The following SH2D4B variants were observed in gnomAD, a reference collection of about 807,000 sequenced individuals.
The protein encoded by SH2D4B is SH2 domain containing 4B.
In SH2D4B, 45 loss-of-function variants were observed where a neutral mutation model predicts 61.5. The observed-to-expected ratio is 0.73, with a 90% CI of 0.58 to 0.94. SH2D4B has a LOEUF of 0.94. Ranked by LOEUF, SH2D4B falls within the 40% of genes least tolerant of loss-of-function variation. The pLI, the probability that SH2D4B is intolerant of heterozygous loss-of-function variation, is 0.00. For synonymous variants in SH2D4B, 224 were observed against 220.4 expected (o/e 1.02, Z -0.14); for missense variants, 572 against 574.2 (o/e 1.00, Z 0.04).
rs1841541583 is a variant in SH2D4B at position 80,538,839 on chromosome 10, G to A, written c.184+324G>A. On this transcript the variant is annotated intron_variant, in intron 1 of 7. Transcript: ENST00000646907. This position sits in a 1 kb window ranked among gnomAD's most constrained non-coding sequence, Gnocchi z 4.8. ...CTTCAGATTGTGCTCCGACGTGGTT[G>A]GCAATGGTAGGGTGAACGACGGCAT... Among the ~76,000 whole-genome samples the A allele has an allele frequency of 6.6e-6, 1 of 152,240 alleles. No homozygotes were observed. The highest frequency in any genetic ancestry group is 6.5e-5 in the Admixed American group (1 of 15,288).
chr10:80,594,608 G>T (rs1842365952), intron 4 of SH2D4B, among the ~76,000 whole-genome samples: 1 of 152,150 alleles, frequency 6.6e-6, no homozygotes, highest in African/African-American at 2.4e-5. Flanking sequence ...AAGACATCTA[G>T]TCCTCGGGTT....
intron 1 of SH2D4B, among the ~76,000 whole-genome samples, chr10:80,547,620 C>T (rs768859680): frequency 2.0e-5 from 3 of 152,064 alleles, no homozygotes; most frequent in Admixed American, 6.6e-5. Context: ...GGTGTCTCTT[C>T]GTGATGTTTA....
Position 80,623,849 on chromosome 10 carries a change from C to T in SH2D4B, c.989-10436C>T, listed in dbSNP as rs118134892. Among the ~76,000 whole-genome samples, 21 of 152,262 alleles carry T rather than the reference C, an allele frequency of 1.4e-4. No individual in the cohort carries two copies. In the East Asian group the frequency reaches 2.5e-3, roughly 18 times the overall value. ...TGTACAGTACTCCACTGGGTGTATC[C>T]GCCTAATTTCACTGATCTACTCCCC... On this transcript the variant is annotated intron_variant, in intron 6 of 7. Coordinates refer to ENST00000646907, the MANE Select transcript of SH2D4B (RefSeq NM_001388272.1).
chr10:80,566,515 G>A (rs1209539712), intron 1 of SH2D4B, among the ~76,000 whole-genome samples: 1 of 151,976 alleles, frequency 6.6e-6, no homozygotes, highest in Non-Finnish European at 1.5e-5. Flanking sequence ...AAGCTGGTCT[G>A]GAACTCCTGA....
intron 1 of SH2D4B, among the ~76,000 whole-genome samples, chr10:80,547,319 A>G (rs1838480309): frequency 6.6e-6 from 1 of 152,150 alleles, no homozygotes; most frequent in Non-Finnish European, 1.5e-5. Context: ...CTGTCATAAT[A>G]TGTTCTTGGG....
intron 4 of SH2D4B, among the ~76,000 whole-genome samples, chr10:80,601,340 T>G (rs944126411): frequency 2.0e-5 from 3 of 152,264 alleles, no homozygotes; most frequent in Non-Finnish European, 4.4e-5. Context: ...TTGGTCTCTT[T>G]TTTAAATGAT....
At chr10:80,574,692 C>CAATTAATT (rs144004654) in intron 3 of SH2D4B, among the ~76,000 whole-genome samples, 17 of 150,942 alleles carry the variant, frequency 1.1e-4, no homozygotes, top group South Asian at 6.2e-4. Context: ...TTTTTATTAT[C>CAATTAATT]AATTAATTAA....
At chr10:80,586,732 C>T (rs1589346222) in intron 3 of SH2D4B, among the ~76,000 whole-genome samples, 1 of 152,148 alleles carries the variant, frequency 6.6e-6, no homozygotes, top group African/African-American at 2.4e-5. Context: ...GGCTGGGATC[C>T]CCTTGCCGCT....
chr10:80,611,391 T>C (rs115169707), intron 6 of SH2D4B, among the ~76,000 whole-genome samples: 1,565 of 152,224 alleles, frequency 0.01, 26 homozygotes, highest in African/African-American at 0.036. Context: ...CCGTCCACTT[T>C]CAGACCTCTT....
chr10:80,597,132 A>G (rs1301758304), intron 4 of SH2D4B, among the ~76,000 whole-genome samples: 1 of 152,162 alleles, frequency 6.6e-6, no homozygotes, highest in Non-Finnish European at 1.5e-5. Context: ...CCATTTTATA[A>G]AAGGGGCTTG....
At chr10:80,642,169 G>C (rs1238316501) in intron 7 of SH2D4B, among the ~76,000 whole-genome samples, 1 of 152,160 alleles carries the variant, frequency 6.6e-6, no homozygotes, top group African/African-American at 2.4e-5. Flanking sequence ...ATAGCTCACT[G>C]TAACCTCAAG....
chr10:80,549,095 T>G (rs1841720898), intron 1 of SH2D4B, among the ~76,000 whole-genome samples: 1 of 152,160 alleles, frequency 6.6e-6, no homozygotes, highest in African/African-American at 2.4e-5. Flanking sequence ...GCACAGCCTG[T>G]GGCCTGGGAC....
At chr10:80,639,880 C>G (rs1840258645) in intron 7 of SH2D4B, among the ~76,000 whole-genome samples, 1 of 152,308 alleles carries the variant, frequency 6.6e-6, no homozygotes, top group African/African-American at 2.4e-5. Context: ...TTCTTCGTAG[C>G]ATCGATGGTC....
intron 4 of SH2D4B, among the ~76,000 whole-genome samples, chr10:80,594,950 G>A (rs1013086860): frequency 2.0e-5 from 3 of 152,032 alleles, no homozygotes. Context: ...ATTTAATTTT[G>A]TGTTGAATCT....
chr10:80,626,319 C>A (rs971929441), intron 6 of SH2D4B, among the ~76,000 whole-genome samples: 2 of 152,084 alleles, frequency 1.3e-5, no homozygotes, highest in African/African-American at 4.8e-5. Flanking sequence ...TTCCATTGTT[C>A]TCTGGCTTTT....
At chr10:80,634,232 G>C in intron 6 of SH2D4B, 53 bp from the exon 7 acceptor site, 2 of 1,474,384 alleles carry the variant, frequency 1.4e-6, no homozygotes, top group Non-Finnish European at 1.8e-6. Flanking sequence ...AATCGTGGGG[G>C]AGGCAGTCGC....
At chr10:80,569,642 T>G (rs191274473) in intron 1 of SH2D4B, among the ~76,000 whole-genome samples, 1 of 151,880 alleles carries the variant, frequency 6.6e-6, no homozygotes, top group East Asian at 1.9e-4. Context: ...ACAATGCTCT[T>G]ATACATTTTT....
At chr10:80,549,366 C>T (rs968920483) in intron 1 of SH2D4B, among the ~76,000 whole-genome samples, 1 of 152,180 alleles carries the variant, frequency 6.6e-6, no homozygotes, top group Non-Finnish European at 1.5e-5. Flanking sequence ...GGGTGCTTCG[C>T]CCAGGTTTGT....
At chr10:80,626,870 C>T (rs897407231) in intron 6 of SH2D4B, among the ~76,000 whole-genome samples, 16 of 152,172 alleles carry the variant, frequency 1.1e-4, no homozygotes, top group African/African-American at 3.1e-4. Flanking sequence ...ACTTGGAGTC[C>T]GAGGACCTGA....
Sources: gnomAD v4.1 joint callset for allele counts (sites outside exome capture counted in the v4.1 genomes callset) on GRCh38, gnomAD v4.1.1 for gene constraint, Gnocchi (gnomAD v3.1) non-coding constraint, MANE v1.5 for transcripts, NCBI Gene and HGNC (gene_info 2026-07-23, HGNC 2026-07-21) for gene names.